LRP2: variants seen among roughly 807,000 people sequenced by gnomAD.
LRP2 encodes LDL receptor related protein 2.
Under a neutral mutation model 531.0 loss-of-function variants are expected in LRP2, and 172 were observed. The ratio of observed to expected loss-of-function variants is 0.32; its 90% CI spans 0.29 to 0.37. The LOEUF (loss-of-function observed/expected upper bound fraction) is 0.37, where lower values mean the gene tolerates loss of function less well. Ranked by LOEUF, LRP2 falls within the 10% of genes least tolerant of loss-of-function variation. LRP2 has a pLI of 1.00. For missense variants in LRP2, 5,167 were observed against 5,868.3 expected (o/e 0.88, Z 3.90); for synonymous variants, 1,992 against 2,027.6 (o/e 0.98, Z 0.47).
chr2:169,349,035 T>G (rs1354131066), intron 1 of LRP2, among the ~76,000 whole-genome samples: 1 of 152,172 alleles, frequency 6.6e-6, no homozygotes, highest in Non-Finnish European at 1.5e-5. Flanking sequence ...TTATTCAATG[T>G]ATATTCATTT....
intron 16 of LRP2, among the ~76,000 whole-genome samples, chr2:169,265,889 T>C (rs148557042): frequency 2.4e-4 from 37 of 151,990 alleles, no homozygotes; most frequent in Admixed American, 9.8e-4. Flanking sequence ...CAAGTCCCAA[T>C]TGGAACACAG....
At position 169,166,035 on chromosome 2, in the gene LRP2, T is replaced by G. The variant is rs1053504658; in HGVS notation, c.11655A>C (p.Ser3885=). Residue 3885 remains serine, a synonymous_variant, in exon 62 of 79, where the codon TCA becomes TCC. Coordinates refer to ENST00000649046, the MANE Select transcript of LRP2 (RefSeq NM_004525.3). ...TGTTGTCACACCGGAAACGGTTTGG[T>G]GAATTACAGGGAACATCCACTGAAA... ...LHLCLDVPCN[S]PNRFRCDNNR... 3 of 1,614,050 alleles carry G rather than the reference T, an allele frequency of 1.9e-6. No homozygotes were observed. The highest frequency in any genetic ancestry group is 2.5e-6 in the Non-Finnish European group (3 of 1,179,940).
chr2:169,237,022 A>T (rs780516048), intron 28 of LRP2, 81 bp downstream of exon 28: 3 of 1,193,892 alleles, frequency 2.5e-6, no homozygotes, highest in Non-Finnish European at 3.7e-6. Flanking sequence ...AGCAACATGC[A>T]TATCAGCTAC....
chr2:169,254,996 C>G (rs1010006110), intron 19 of LRP2, among the ~76,000 whole-genome samples: 5 of 152,064 alleles, frequency 3.3e-5, no homozygotes, highest in Admixed American at 1.3e-4. Context: ...GATAAACAGA[C>G]AGCAGGACAA....
intron 25 of LRP2, among the ~76,000 whole-genome samples, chr2:169,240,408 C>G (rs1471991105): frequency 6.6e-6 from 1 of 152,082 alleles, no homozygotes; most frequent in Non-Finnish European, 1.5e-5. Flanking sequence ...ACAGAACATG[C>G]GTTAGAAAGG....
intron 50 of LRP2, 62 bp from the exon 51 acceptor site, chr2:169,182,381 C>T: frequency 6.2e-7 from 1 of 1,603,250 alleles, no homozygotes; most frequent in Non-Finnish European, 8.5e-7. Flanking sequence ...CATATTTAGC[C>T]ACCCAGTTTC....
chr2:169,203,043 G>T, intron 42 of LRP2, 84 bp from the exon 43 acceptor site: 2 of 1,084,654 alleles, frequency 1.8e-6, no homozygotes, highest in Non-Finnish European at 2.8e-6. Flanking sequence ...ACTTGCAACA[G>T]CTTCTACATT....
intron 37 of LRP2, among the ~76,000 whole-genome samples, chr2:169,210,234 G>C (rs1688547267): frequency 6.6e-6 from 1 of 152,020 alleles, no homozygotes; most frequent in African/African-American, 2.4e-5. Flanking sequence ...AAAACCAATG[G>C]GTAAAAGGTG....
intron 75 of LRP2, among the ~76,000 whole-genome samples, chr2:169,137,882 T>C (rs1371581815): frequency 2.0e-5 from 3 of 151,990 alleles, no homozygotes; most frequent in Non-Finnish European, 4.4e-5. Context: ...AAAGAATGGA[T>C]AATATAATAT....
chr2:169,154,212 A>G (rs1008721921), intron 66 of LRP2, among the ~76,000 whole-genome samples: 10 of 152,180 alleles, frequency 6.6e-5, no homozygotes, highest in African/African-American at 2.4e-4. Flanking sequence ...TCAAAATACA[A>G]GAAGATGTGA....
In LRP2 at chr2:169,327,724, G is replaced by T. The variant is rs1163524198; in HGVS notation, c.80-6840C>A. Among the ~76,000 whole-genome samples, 50 of 122,238 alleles carry T rather than the reference G, an allele frequency of 4.1e-4. 1 individual carries two copies. Among genetic ancestry groups the T allele is most frequent in the Non-Finnish European group, 6.8e-4 (39 of 57,354 alleles). The allele number at this position is 122,238 out of a possible 152,430, so 80.2% of individuals were successfully genotyped here. On this transcript the variant is annotated intron_variant, in intron 1 of 78. Transcript: ENST00000649046. ...AGGGAGGTGGGGGGATCAGCACCCCGCCCGGCCAGCCGCCCCGTCCGGGAG... is the reference window on the plus strand; with the variant it reads ...AGGGAGGTGGGGGGATCAGCACCCCTCCCGGCCAGCCGCCCCGTCCGGGAG...
rs1688291778 is a variant in LRP2, at chr2:169,204,039, G to C, written c.7948C>G (p.Gln2650Glu). 4.3e-6 allele frequency: 7 copies of C among 1,614,194 alleles called. No homozygotes were observed. In the East Asian group the frequency reaches 1.6e-4, roughly 36 times the overall value. The change falls in exon 42 of 79, where the codon CAG becomes GAG. Residue 2650 changes from glutamine (Q) to glutamate (E), a missense_variant. Around this residue, in one of 6 missense-constraint regions of LRP2, gnomAD observed 1,129 missense variants for 1,362.7 expected, o/e 0.83. Coordinates refer to ENST00000649046, the MANE Select transcript of LRP2 (RefSeq NM_004525.3). ...INTVVKNQKQQCNNPCEQFNG... is the reference protein window; with the variant it reads ...INTVVKNQKQECNNPCEQFNG... ...AACTGTTCACAAGGATTGTTACACTGTTGTTTCTGGTTCTTCACAACAGTG... is the reference window on the plus strand; with the variant it reads ...AACTGTTCACAAGGATTGTTACACTCTTGTTTCTGGTTCTTCACAACAGTG...
At chr2:169,320,609 T>G (rs1016513619) in intron 2 of LRP2, among the ~76,000 whole-genome samples, 168 bp downstream of exon 2, 1 of 152,218 alleles carries the variant, frequency 6.6e-6, no homozygotes, top group African/African-American at 2.4e-5. Flanking sequence ...AGTGAAATTA[T>G]TGTTAATGCC....
intron 34 of LRP2, 35 bp from the exon 35 acceptor site, chr2:169,216,465 C>G (rs1386027705): frequency 1.2e-6 from 2 of 1,607,140 alleles, no homozygotes; most frequent in Non-Finnish European, 1.7e-6. Context: ...TGTAACAAAA[C>G]AGAAGGTGGA....
chr2:169,187,255 T>C (rs1303286375), intron 49 of LRP2, among the ~76,000 whole-genome samples: 1 of 152,172 alleles, frequency 6.6e-6, no homozygotes, highest in Non-Finnish European at 1.5e-5. Flanking sequence ...TTATTTCATA[T>C]AAATCTTATC....
chr2:169,289,087 T>G lies in LRP2; in HGVS notation c.981A>C (p.Gly327=), dbSNP rs1192728659. 1 of 1,613,974 alleles carries G rather than the reference T, an allele frequency of 6.2e-7. No individual in the cohort carries two copies. The highest frequency in any genetic ancestry group is 8.5e-7 in the Non-Finnish European group (1 of 1,180,006). Residue 327 remains glycine (G), a synonymous_variant, in exon 9 of 79, where the codon GGA becomes GGC. Coordinates refer to ENST00000649046, the MANE Select transcript of LRP2 (RefSeq NM_004525.3). ...CQYQCHETPY[G]GACFCPPGYI... ...AACCTGGGGGACAAAAACACGCTCC[T>G]CCATACGGCGTCTCATGGCACTGGT...
rs1316153045 is a variant in LRP2, at chr2:169,301,848, G to T, written c.427+5433C>A. 3.3e-5 allele frequency among the ~76,000 whole-genome samples: 5 copies of T among 152,200 alleles called. No individual in the cohort carries two copies. In the South Asian group the frequency reaches 1.0e-3, roughly 32 times the overall value. On this transcript the variant is annotated intron_variant, in intron 4 of 78. Coordinates refer to ENST00000649046, the MANE Select transcript of LRP2 (RefSeq NM_004525.3). ...GTCTTGATTTTAGAAGCTTGAAAGGGTATGAACTACAACCTAGGGGTCTGG... is the reference window on the plus strand; with the variant it reads ...GTCTTGATTTTAGAAGCTTGAAAGGTTATGAACTACAACCTAGGGGTCTGG...
chr2:169,330,185 C>A (rs1685227927), intron 1 of LRP2, among the ~76,000 whole-genome samples: 1 of 152,202 alleles, frequency 6.6e-6, no homozygotes, highest in Admixed American at 6.5e-5. Context: ...GCATTGCCAA[C>A]AACATCCTAG....
intron 48 of LRP2, among the ~76,000 whole-genome samples, chr2:169,191,189 T>A: frequency 6.6e-6 from 1 of 152,260 alleles, no homozygotes; most frequent in Non-Finnish European, 1.5e-5. Flanking sequence ...CCCTTCTGCA[T>A]GATATTGATC....
Sources: allele counts gnomAD v4.1 joint callset (sites outside exome capture counted in the v4.1 genomes callset), GRCh38; gene constraint gnomAD v4.1.1; regional missense constraint gnomAD v4.1.1; transcripts MANE v1.5; gene names NCBI Gene and HGNC (gene_info 2026-07-23, HGNC 2026-07-21).